KIF15: variants seen among roughly 807,000 people sequenced by gnomAD.
The protein encoded by KIF15 is kinesin-like protein KIF15.
Under a neutral mutation model 190.6 loss-of-function variants are expected in KIF15, and 140 were observed. That is an observed-to-expected ratio of 0.73 (90% CI 0.64 to 0.84). KIF15 has a LOEUF of 0.84. KIF15 is among the 40% of genes least tolerant of loss of function. The probability of loss-of-function intolerance (pLI) is 0.00; values close to 1 mark genes in which losing one functional copy is unlikely to be tolerated. For synonymous variants in KIF15, 528 were observed against 551.3 expected, an observed-to-expected ratio of 0.96 and a Z score of 0.59; for missense variants, 1,372 against 1,584.4, an observed-to-expected ratio of 0.87 and a Z score of 2.28.
chr3:44,814,853 C>A, intron 19 of KIF15, 58 bp from the exon 20 acceptor site: 1 of 1,400,146 alleles, frequency 7.1e-7, no homozygotes, highest in Non-Finnish European at 9.6e-7. Flanking sequence ...TAGTACCTAT[C>A]AGATTTATTT....
At chr3:44,827,831 C>A (rs576455693) in intron 23 of KIF15, among the ~76,000 whole-genome samples, 2 of 152,194 alleles carry the variant, frequency 1.3e-5, no homozygotes, top group South Asian at 4.1e-4. Flanking sequence ...TATGGGCATG[C>A]ACCACTATGC....
chr3:44,846,469 A>G (rs976327087), intron 30 of KIF15, among the ~76,000 whole-genome samples: 1 of 152,082 alleles, frequency 6.6e-6, no homozygotes, highest in African/African-American at 2.4e-5. Context: ...TGTTGAATAA[A>G]TGTCTTTTAA....
chr3:44,857,219 G>A (rs935218510), downstream of KIF15, among the ~76,000 whole-genome samples: 8 of 152,148 alleles, frequency 5.3e-5, no homozygotes, highest in African/African-American at 1.9e-4. Flanking sequence ...GGTAACTGTG[G>A]GAGACTCAAC....
chr3:44,786,699 A>T, intron 7 of KIF15, 125 bp downstream of exon 7: 1 of 662,934 alleles, frequency 1.5e-6, no homozygotes. Context: ...CAGAATGTTC[A>T]TGGGAAGTAA....
downstream of KIF15, among the ~76,000 whole-genome samples, chr3:44,855,981 C>T (rs1699184058): frequency 6.6e-6 from 1 of 151,990 alleles, no homozygotes; most frequent in African/African-American, 2.4e-5. Flanking sequence ...GTCCGTTCTA[C>T]CTTTCCTGAA....
intron 6 of KIF15, chr3:44,863,375 G>T (rs1173846106): frequency 7.5e-6 from 1 of 133,308 alleles, no homozygotes. Flanking sequence ...CATATCCTTT[G>T]TGTAGGAGGC....
downstream of KIF15, among the ~76,000 whole-genome samples, chr3:44,858,232 C>T (rs1169156879): frequency 6.6e-6 from 1 of 152,134 alleles, no homozygotes; most frequent in African/African-American, 2.4e-5. Flanking sequence ...TTGGGCACTA[C>T]AGGGTGGATA....
intron 20 of KIF15, among the ~76,000 whole-genome samples, chr3:44,821,339 G>T (rs936698823): frequency 6.6e-6 from 1 of 151,764 alleles, no homozygotes; most frequent in African/African-American, 2.4e-5. Context: ...GGGTGGCTGC[G>T]GGGCGGTGAC....
At position 44,841,183 on chromosome 3, in the gene KIF15, T is replaced by G; in HGVS notation, c.3530T>G (p.Val1177Gly). 1 of 1,613,414 alleles carries G rather than the reference T, an allele frequency of 6.2e-7. No individual in the cohort carries two copies. Among genetic ancestry groups the G allele is most frequent in the Non-Finnish European group, 8.5e-7 (1 of 1,179,688 alleles). Reference protein sequence around the residue: ...RASKTSLEHLVTKLNEDREVK... With the variant: ...RASKTSLEHLGTKLNEDREVK... ...TCTAAGACTTCTTTGGAACACCTTG[T>G]AACAAAGCTAAATGAAGACAGAGAA... Residue 1177 changes from valine (V) to glycine (G), a missense_variant, in exon 29 of 35, where the codon GTA becomes GGA. Transcript: ENST00000326047.
intron 6 of KIF15, among the ~76,000 whole-genome samples, chr3:44,865,838 C>T (rs34883405): frequency 0.031 from 4,693 of 152,216 alleles, 119 homozygotes; most frequent in Non-Finnish European, 0.044. Flanking sequence ...CCTGAGGTCA[C>T]ACAGGCTAAG....
rs752576011 is a variant in KIF15 at position 44,805,027 on chromosome 3, A to T, written c.1688A>T (p.Asn563Ile). 2.0e-5 allele frequency: 32 copies of T among 1,605,164 alleles called. No individual in the cohort carries two copies. The Admixed American group carries it at 5.5e-4, about 28-fold the overall frequency. ...ACTGAGATTGTTTTCTTATTAACAG[A>T]TCAGCAAGGATTTTCACCTAAAGCT... ...EISGMEKSDK[N>I]QQGFSPKAQK... The change falls in exon 15 of 35, where the codon AAT becomes ATT. Residue 563 changes from asparagine to isoleucine, a missense_variant and splice_region_variant. Asn to Ile is a moderately radical substitution (Grantham distance 149). Coordinates refer to ENST00000326047, the MANE Select transcript of KIF15 (RefSeq NM_020242.3).
chr3:44,838,512 G>A (rs1698434430), intron 27 of KIF15, 91 bp downstream of exon 27: 2 of 1,306,256 alleles, frequency 1.5e-6, no homozygotes, highest in African/African-American at 1.5e-5. Flanking sequence ...GAGAGGCCAA[G>A]GGGGTGGACC....
chr3:44,825,697 A>G (rs115314803), intron 20 of KIF15, among the ~76,000 whole-genome samples: 2,836 of 152,346 alleles, frequency 0.019, 76 homozygotes, highest in African/African-American at 0.063. Flanking sequence ...TTACGTGAGC[A>G]TTAGGTCTGG....
At chr3:44,787,558 G>A (rs1234376366) in intron 7 of KIF15, among the ~76,000 whole-genome samples, 1 of 152,084 alleles carries the variant, frequency 6.6e-6, no homozygotes, top group Non-Finnish European at 1.5e-5. Flanking sequence ...TTGTACATGT[G>A]ACGTAGTATG....
chr3:44,780,994 G>A lies in KIF15; in HGVS notation c.361+72G>A, dbSNP rs569552779. 1.0e-3 allele frequency: 1,142 copies of A among 1,127,556 alleles called. 3 individuals carry two copies. Among genetic ancestry groups the A allele is most frequent in the Non-Finnish European group, 1.3e-3 (1,021 of 765,570 alleles). 69.8% of individuals were successfully genotyped at this position (1,127,556 alleles called of 1,614,324 possible). The stretch of plus-strand genomic sequence containing the variant: ...TAACAGTAACCTACAACATTTTGGG[G>A]AAAGGCATAATTTCTATATATGATG... On this transcript the variant is annotated intron_variant, in intron 5 of 34. Transcript: ENST00000326047.
intron 24 of KIF15, among the ~76,000 whole-genome samples, chr3:44,829,637 T>C (rs1697935388): frequency 2.3e-5 from 3 of 130,096 alleles, no homozygotes; most frequent in Non-Finnish European, 4.7e-5. Context: ...ATTATATATG[T>C]ATATATTATA....
At chr3:44,778,244 G>C (rs941067925) in intron 4 of KIF15, 53 bp downstream of exon 4, 4 of 1,363,636 alleles carry the variant, frequency 2.9e-6, no homozygotes, top group Non-Finnish European at 4.2e-6. Flanking sequence ...TTATTTTCCT[G>C]TTGCTGTTGT....
intron 7 of KIF15, among the ~76,000 whole-genome samples, chr3:44,788,341 C>G (rs1482629780): frequency 1.3e-5 from 2 of 152,188 alleles, no homozygotes; most frequent in African/African-American, 4.8e-5. Context: ...AACATGTTAA[C>G]ACGATAAAGT....
intron 20 of KIF15, among the ~76,000 whole-genome samples, chr3:44,819,000 A>C (rs1395570045): frequency 6.6e-6 from 1 of 152,038 alleles, no homozygotes; most frequent in Non-Finnish European, 1.5e-5. Context: ...GAATTCATCC[A>C]TTTCTTCTAG....
Sources: allele counts gnomAD v4.1 joint callset (sites outside exome capture counted in the v4.1 genomes callset), GRCh38; gene constraint gnomAD v4.1.1; transcripts MANE v1.5; gene names NCBI Gene and HGNC (gene_info 2026-07-23, HGNC 2026-07-21).